Variants in RIN3 observed in about 807,000 individuals in gnomAD.
The protein encoded by RIN3 is Ras and Rab interactor 3, also known as RAB5 interacting protein 3.
Under a neutral mutation model 76.3 loss-of-function variants are expected in RIN3, and 54 were observed. The ratio of observed to expected loss-of-function variants is 0.71; its 90% CI spans 0.57 to 0.89. RIN3 has a LOEUF of 0.89. Ranked by LOEUF, RIN3 falls within the 40% of genes least tolerant of loss-of-function variation. The pLI is 0.00. For missense variants in RIN3, 1,256 were observed against 1,322.1 expected, an observed-to-expected ratio of 0.95 and a Z score of 0.78; for synonymous variants, 576 against 564.0, an observed-to-expected ratio of 1.02 and a Z score of -0.30.
At chr14:92,651,558 C>T (rs1887421552) in intron 5 of RIN3, 24 bp from the exon 6 acceptor site, 1 of 1,571,228 alleles carries the variant, frequency 6.4e-7, no homozygotes, top group African/African-American at 1.4e-5. Flanking sequence ...AGACTGACCC[C>T]CTGCCCCTCT....
At chr14:92,562,733 A>G (rs968152164) in intron 2 of RIN3, among the ~76,000 whole-genome samples, 1 of 152,080 alleles carries the variant, frequency 6.6e-6, no homozygotes, top group Non-Finnish European at 1.5e-5. Flanking sequence ...AAGATACTCC[A>G]TGCTCATCTT....
chr14:92,587,502 G>T (rs919088277), intron 3 of RIN3, among the ~76,000 whole-genome samples: 5 of 152,214 alleles, frequency 3.3e-5, no homozygotes, highest in African/African-American at 1.2e-4. Flanking sequence ...GACAGAGATG[G>T]AGAAAGATCT....
intron 7 of RIN3, among the ~76,000 whole-genome samples, chr14:92,673,836 C>T (rs1031338449): frequency 6.6e-6 from 1 of 152,192 alleles, no homozygotes; most frequent in African/African-American, 2.4e-5. Flanking sequence ...AGGCTGTTGT[C>T]TGTTTTATGA....
At chr14:92,631,163 A>G (rs1484915395) in intron 4 of RIN3, among the ~76,000 whole-genome samples, 4 of 152,156 alleles carry the variant, frequency 2.6e-5, no homozygotes, top group African/African-American at 9.7e-5. Flanking sequence ...CCTGGTCCTG[A>G]GCAAGCCTAC....
Position 92,568,126 on chromosome 14 carries a change from T to C in RIN3, c.250-9234T>C, listed in dbSNP as rs1198470129. On this transcript the variant is annotated intron_variant, in intron 2 of 9. Coordinates refer to ENST00000216487, the MANE Select transcript of RIN3 (RefSeq NM_024832.5). The surrounding 1 kb of genome is among the most constrained non-coding windows in gnomAD (Gnocchi z 4.2). ...GTGTTTCACTGTGTCTCTAAATAGC[T>C]GGCTGCAGGGGGGCAGAAAGGGAGA... is the stretch of plus-strand genomic sequence containing the variant. Among the ~76,000 whole-genome samples the C allele has an allele frequency of 6.6e-6, 1 of 152,094 alleles. No individual in the cohort carries two copies. Among genetic ancestry groups the C allele is most frequent in the Non-Finnish European group, 1.5e-5 (1 of 68,022 alleles).
At chr14:92,604,123 A>G (rs538750159) in intron 3 of RIN3, among the ~76,000 whole-genome samples, 2 of 152,302 alleles carry the variant, frequency 1.3e-5, no homozygotes, top group South Asian at 4.1e-4. Context: ...AGGGGCCTGT[A>G]GGATGGCCCA....
chr14:92,581,248 T>G (rs759029668), intron 3 of RIN3, among the ~76,000 whole-genome samples: 2 of 152,036 alleles, frequency 1.3e-5, no homozygotes, highest in Non-Finnish European at 2.9e-5. Flanking sequence ...TCCTGGGAGA[T>G]AGAGAGGACC....
chr14:92,595,742 G>A (rs1250813188), intron 3 of RIN3, among the ~76,000 whole-genome samples: 1 of 152,250 alleles, frequency 6.6e-6, no homozygotes, highest in African/African-American at 2.4e-5. Flanking sequence ...GATACAAAAT[G>A]CCTTGGAAAG....
At chr14:92,633,971 CAG>C (rs1384819110) in intron 4 of RIN3, among the ~76,000 whole-genome samples, 1 of 151,526 alleles carries the variant, frequency 6.6e-6, no homozygotes, top group Non-Finnish European at 1.5e-5. Flanking sequence ...CCAGCTAAAA[CAG>C]AGACCTCCAG....
At chr14:92,538,525 A>G (rs12433266) in intron 1 of RIN3, among the ~76,000 whole-genome samples, 4,796 of 152,266 alleles carry the variant, frequency 0.031, 246 homozygotes, top group African/African-American at 0.11. Flanking sequence ...TGTTACAGGC[A>G]GTATTGTTTG....
rs1214106610 is a variant in RIN3 at position 92,515,279 on chromosome 14, C to A, written c.44+1303C>A. The A allele has an allele frequency of 1.3e-5, 9 of 698,470 alleles. No individual in the cohort carries two copies. The Admixed American group carries it at 1.8e-4, about 14-fold the overall frequency. The allele number at this position is 698,470 out of a possible 1,614,324, so 43.3% of individuals were successfully genotyped here. A position where few individuals can be genotyped will look rare whatever the true frequency, so the allele number is the denominator to read the frequency against. On this transcript the variant is annotated intron_variant, in intron 1 of 9. Transcript: ENST00000216487. ...GGGAAGAGCCCCCCAACCCTCACAC[C>A]CACTTGCAAGTATCTGCCACACCCA...
At chr14:92,536,963 A>G (rs1479449627) in intron 1 of RIN3, among the ~76,000 whole-genome samples, 6 of 151,978 alleles carry the variant, frequency 3.9e-5, no homozygotes, top group Non-Finnish European at 7.4e-5. Flanking sequence ...CTCTGGAAAC[A>G]TAATTTATTT....
intron 3 of RIN3, among the ~76,000 whole-genome samples, chr14:92,586,998 G>T (rs953893273): frequency 9.2e-5 from 14 of 152,174 alleles, no homozygotes; most frequent in Non-Finnish European, 2.1e-4. Context: ...ATCAGGAAAG[G>T]GTAGAACTCT....
At chr14:92,549,812 A>C (rs996233148) in intron 1 of RIN3, among the ~76,000 whole-genome samples, 5 of 152,196 alleles carry the variant, frequency 3.3e-5, no homozygotes, top group African/African-American at 1.2e-4. Context: ...CTCTGAGCTC[A>C]TTGCTCTATT....
At chr14:92,573,614 G>T (rs1424286688) in intron 2 of RIN3, among the ~76,000 whole-genome samples, 1 of 152,190 alleles carries the variant, frequency 6.6e-6, no homozygotes, top group Non-Finnish European at 1.5e-5. Context: ...AAGATCAAAA[G>T]GGGCTCATTA....
chr14:92,663,869 T>G (rs527492293), intron 7 of RIN3, among the ~76,000 whole-genome samples: 5 of 152,082 alleles, frequency 3.3e-5, no homozygotes, highest in Non-Finnish European at 7.4e-5. Context: ...CATGTTGCGA[T>G]GCAGGGGCTG....
intron 3 of RIN3, among the ~76,000 whole-genome samples, chr14:92,604,504 G>C (rs1885455564): frequency 6.6e-6 from 1 of 152,130 alleles, no homozygotes. Flanking sequence ...CTCCTAGCCA[G>C]GTGTAAGGGC....
chr14:92,599,138 C>T (rs899088507), intron 3 of RIN3, among the ~76,000 whole-genome samples: 1 of 152,164 alleles, frequency 6.6e-6, no homozygotes, highest in African/African-American at 2.4e-5. Context: ...TGCATCCAGG[C>T]CTTGAAGCTC....
intron 2 of RIN3, among the ~76,000 whole-genome samples, chr14:92,572,877 CTTTTTTT>C (rs763771909): frequency 1.4e-4 from 14 of 100,110 alleles, no homozygotes; most frequent in Non-Finnish European, 1.8e-4. Flanking sequence ...CTTTTTTTTG[CTTTTTTT>C]TTTTTTTTTT....
Sources: gnomAD v4.1 joint callset for allele counts (sites outside exome capture counted in the v4.1 genomes callset) on GRCh38, gnomAD v4.1.1 for gene constraint, Gnocchi (gnomAD v3.1) non-coding constraint, MANE v1.5 for transcripts, NCBI Gene and HGNC (gene_info 2026-07-23, HGNC 2026-07-21) for gene names.